The following SH3RF1 variants were observed in gnomAD, a reference collection of about 807,000 sequenced individuals.
SH3RF1 encodes the protein E3 ubiquitin-protein ligase SH3RF1.
A neutral mutation model predicts 74.0 loss-of-function variants in SH3RF1; 32 were observed. That is an observed-to-expected ratio of 0.43 (90% CI 0.33 to 0.58). The LOEUF (loss-of-function observed/expected upper bound fraction) is 0.58, where lower values mean the gene tolerates loss of function less well. Ranked by LOEUF, SH3RF1 falls within the 20% of genes least tolerant of loss-of-function variation. SH3RF1 has a pLI of 0.05. For synonymous variants in SH3RF1, 396 were observed against 439.6 expected, an observed-to-expected ratio of 0.90 and a Z score of 1.24; for missense variants, 954 against 1,130.9, an observed-to-expected ratio of 0.84 and a Z score of 2.24.
intron 2 of SH3RF1, among the ~76,000 whole-genome samples, chr4:169,175,042 G>A (rs1031123132): frequency 6.6e-6 from 1 of 152,122 alleles, no homozygotes; most frequent in South Asian, 2.1e-4. Flanking sequence ...CCCCAATGTT[G>A]GTAAATAGCC....
At chr4:169,228,482 T>C (rs1296866053) in intron 2 of SH3RF1, among the ~76,000 whole-genome samples, 2 of 152,130 alleles carry the variant, frequency 1.3e-5, no homozygotes, top group African/African-American at 4.8e-5. Context: ...GGCCCCTTCC[T>C]CCATCTTCAA....
At chr4:169,228,156 G>A (rs1730679812) in intron 2 of SH3RF1, among the ~76,000 whole-genome samples, 1 of 152,130 alleles carries the variant, frequency 6.6e-6, no homozygotes, top group African/African-American at 2.4e-5. Flanking sequence ...TATACCTTCT[G>A]CAAGAATTAA....
intron 2 of SH3RF1, among the ~76,000 whole-genome samples, chr4:169,256,268 G>A (rs1731192735): frequency 6.6e-6 from 1 of 151,656 alleles, no homozygotes; most frequent in African/African-American, 2.4e-5. Context: ...GGGAGGGAGA[G>A]AGAAAGGGAG....
rs1185662430 is a variant in SH3RF1, at chr4:169,117,742, T to C, written c.1558A>G (p.Thr520Ala). The C allele has an allele frequency of 1.2e-6, 2 of 1,613,970 alleles. No individual in the cohort carries two copies. The highest frequency in any genetic ancestry group is 2.2e-5 in the East Asian group (1 of 44,890). The stretch of plus-strand genomic sequence containing the variant: ...ACTCCCCGACTTGTCTGGCCAGCTG[T>C]AGACATAGGGACTTTAGCTTGGGAA... ...NASQAKVPMS[T>A]AGQTSRGVTM... Residue 520 changes from threonine (T) to alanine (A), a missense_variant, in exon 9 of 12, where the codon ACA (threonine) becomes GCA (alanine). Transcript: ENST00000284637.
At chr4:169,222,392 G>A (rs1441111529) in intron 2 of SH3RF1, among the ~76,000 whole-genome samples, 1 of 152,064 alleles carries the variant, frequency 6.6e-6, no homozygotes, top group East Asian at 1.9e-4. Context: ...TTGAACCTGG[G>A]AGGTGGAGGT....
intron 2 of SH3RF1, among the ~76,000 whole-genome samples, chr4:169,174,967 C>T (rs546598722): frequency 1.3e-5 from 2 of 152,314 alleles, no homozygotes; most frequent in South Asian, 2.1e-4. Flanking sequence ...CACAAATCAA[C>T]GTGTCCAAAA....
chr4:169,121,900 C>T (rs1415370634), intron 7 of SH3RF1, among the ~76,000 whole-genome samples, 200 bp downstream of exon 7: 1 of 152,190 alleles, frequency 6.6e-6, no homozygotes, highest in Non-Finnish European at 1.5e-5. Flanking sequence ...AATATTCTGG[C>T]AAGCTCATGT....
rs2126943955 is a variant in SH3RF1, at chr4:169,117,683, A to C, written c.1617T>G (p.Pro539=). 4.3e-6 allele frequency: 7 copies of C among 1,614,186 alleles called. No individual in the cohort carries two copies. Among genetic ancestry groups the C allele is most frequent in the Non-Finnish European group, 5.9e-6 (7 of 1,180,034 alleles). Residue 539 remains proline, a synonymous_variant, in exon 9 of 12, where the codon CCT becomes CCG. Transcript: ENST00000284637. ...TMVSPSTAGG[P]AQKLQGNGVA... ...CGCCATTTCCCTGGAGCTTCTGGGCAGGCCCTCCTGCCGTGGAAGGACTGA... is the reference window on the plus strand; with the variant it reads ...CGCCATTTCCCTGGAGCTTCTGGGCCGGCCCTCCTGCCGTGGAAGGACTGA...
At chr4:169,117,205 G>A (rs921706507) in intron 9 of SH3RF1, among the ~76,000 whole-genome samples, 4 of 150,680 alleles carry the variant, frequency 2.7e-5, no homozygotes, top group Non-Finnish European at 5.9e-5. Context: ...AGAGTATCAC[G>A]CAATGTCACA....
chr4:169,172,051 T>C (rs28608174), intron 2 of SH3RF1, among the ~76,000 whole-genome samples: 3,317 of 152,292 alleles, frequency 0.022, 125 homozygotes, highest in African/African-American at 0.075. Context: ...AACAATACAC[T>C]GAACTAAAAC....
chr4:169,262,250 A>T (rs899245834), intron 2 of SH3RF1, among the ~76,000 whole-genome samples: 1 of 152,244 alleles, frequency 6.6e-6, no homozygotes, highest in African/African-American at 2.4e-5. Flanking sequence ...ATAAATGTAT[A>T]TGAAAAGATC....
chr4:169,161,180 T>C (rs1051175816), intron 2 of SH3RF1, among the ~76,000 whole-genome samples: 3 of 152,234 alleles, frequency 2.0e-5, no homozygotes, highest in Non-Finnish European at 4.4e-5. Context: ...CAGTCTAACC[T>C]TGGGTTTGCG....
intron 2 of SH3RF1, among the ~76,000 whole-genome samples, chr4:169,226,820 T>C (rs1730659230): frequency 6.6e-6 from 1 of 152,202 alleles, no homozygotes; most frequent in Non-Finnish European, 1.5e-5. Flanking sequence ...CTAGCATTAG[T>C]CACCTAATTC....
intron 2 of SH3RF1, among the ~76,000 whole-genome samples, chr4:169,160,669 C>T (rs757342785): frequency 6.6e-6 from 1 of 152,096 alleles, no homozygotes; most frequent in Non-Finnish European, 1.5e-5. Context: ...GCTAGAAAGC[C>T]AGTTTGGGTC....
intron 2 of SH3RF1, among the ~76,000 whole-genome samples, chr4:169,268,064 AT>A: frequency 6.6e-6 from 1 of 152,004 alleles, no homozygotes; most frequent in South Asian, 2.1e-4. Flanking sequence ...ATAAATACAG[AT>A]TATTTATATA....
chr4:169,252,183 A>G (rs984565670), intron 2 of SH3RF1, among the ~76,000 whole-genome samples: 2 of 152,220 alleles, frequency 1.3e-5, no homozygotes, highest in Non-Finnish European at 2.9e-5. Context: ...GAATTCTATC[A>G]CAGCTTACTT....
intron 2 of SH3RF1, among the ~76,000 whole-genome samples, chr4:169,208,146 CA>C (rs1730292504): frequency 7.6e-6 from 1 of 131,762 alleles, no homozygotes; most frequent in Non-Finnish European, 1.7e-5. Flanking sequence ...TTTAAGTCCT[CA>C]AGTTTTTTTT....
At chr4:169,108,624 A>G (rs1003078369) in intron 10 of SH3RF1, among the ~76,000 whole-genome samples, 1 of 151,974 alleles carries the variant, frequency 6.6e-6, no homozygotes, top group Non-Finnish European at 1.5e-5. Context: ...CCACCCTGCA[A>G]CTCTCCCGGG....
At chr4:169,148,788 G>A (rs1407167696) in intron 4 of SH3RF1, among the ~76,000 whole-genome samples, 1 of 152,152 alleles carries the variant, frequency 6.6e-6, no homozygotes, top group Non-Finnish European at 1.5e-5. Context: ...AAGGCTTCAT[G>A]AGGAATGATA....
Sources: allele counts gnomAD v4.1 joint callset (sites outside exome capture counted in the v4.1 genomes callset), GRCh38; gene constraint gnomAD v4.1.1; transcripts MANE v1.5; gene names NCBI Gene and HGNC (gene_info 2026-07-23, HGNC 2026-07-21).